SUPT20HL1: variants seen among roughly 807,000 people sequenced by gnomAD.
SUPT20HL1 encodes the protein SUPT20H like 1, also known as transcription factor SPT20 homolog-like 1.
For missense variants in SUPT20HL1, 277 were observed against 200.3 expected (o/e 1.38, Z -2.31); for synonymous variants, 133 against 79.2 (o/e 1.68, Z -3.61).
At position 24,364,296 on chromosome X, in the gene SUPT20HL1, TGCTGCTGCTG is replaced by T. The variant is rs1569203543; in HGVS notation, c.1537_1546del (p.Ala513LeufsTer7). 9.3e-6 allele frequency: 9 copies of T among 971,808 alleles called. No individual in the cohort carries two copies. The African/African-American group carries it at 1.9e-4, about 21-fold the overall frequency. The allele number at this position is 971,808 out of a possible 1,213,427, so 80.1% of individuals were successfully genotyped here. A position where few individuals can be genotyped will look rare whatever the true frequency, so the allele number is the denominator to read the frequency against. ...CTGCTGCTGCTGCTGCTGCTGCTGC[TGCTGCTGCTG>T]CTGCTCCTGCTCCTGCTCTAGCTGC... On this transcript the variant is annotated frameshift_variant, in exon 1 of 1. Coordinates refer to ENST00000686983, the MANE Select transcript of SUPT20HL1 (RefSeq NM_001136234.3). LOFTEE classifies it low-confidence loss of function (END_TRUNC).
At position 24,361,849 on chromosome X, in the gene SUPT20HL1, C is replaced by A. The variant is rs1436212453; in HGVS notation, c.-912C>A. 1.8e-5 allele frequency among the ~76,000 whole-genome samples: 2 copies of A among 112,027 alleles called. No individual in the cohort carries two copies. The highest frequency in any genetic ancestry group is 9.4e-5 in the Admixed American group (1 of 10,592). ...AGGTACTGATGCATCTACATGAACA[C>A]CCCCAGGCGGGAGCTCACTCGACGA... On this transcript the variant is annotated 5_prime_UTR_variant, in exon 1 of 1. Transcript: ENST00000686983.
chrX:24,367,555 G>A lies in SUPT20HL1; in HGVS notation c.*2131G>A, dbSNP rs771320555. 1.8e-5 allele frequency among the ~76,000 whole-genome samples: 2 copies of A among 112,244 alleles called. No homozygotes were observed. Among genetic ancestry groups the A allele is most frequent in the South Asian group, 3.7e-4 (1 of 2,684 alleles). On this transcript the variant is annotated 3_prime_UTR_variant, in exon 1 of 1. Coordinates refer to ENST00000686983, the MANE Select transcript of SUPT20HL1 (RefSeq NM_001136234.3). ...TTCAAGAAAACACATCGAATTTCCT[G>A]AGTGACACCAAGTCCATCAGATCAT...
rs1939489898 is a variant in SUPT20HL1 at position 24,367,143 on chromosome X, C to T, written c.*1719C>T. Among the ~76,000 whole-genome samples the T allele has an allele frequency of 8.9e-6, 1 of 112,407 alleles. No individual in the cohort carries two copies. On this transcript the variant is annotated 3_prime_UTR_variant, in exon 1 of 1. Coordinates refer to ENST00000686983, the MANE Select transcript of SUPT20HL1 (RefSeq NM_001136234.3). ...TTCATCTATGTTGTAAAATGTATTG[C>T]TAATTCATTCCTATCTGTGGTTCAA...
chrX:24,361,717 T>C lies in SUPT20HL1; in HGVS notation c.-1044T>C, dbSNP rs978354421. Among the ~76,000 whole-genome samples the C allele has an allele frequency of 8.9e-6, 1 of 112,165 alleles. No individual in the cohort carries two copies. The highest frequency in any genetic ancestry group is 3.2e-5 in the African/African-American group (1 of 30,843). On this transcript the variant is annotated 5_prime_UTR_variant, in exon 1 of 1. Transcript: ENST00000686983. ...TTCATGTCTCTCTACCATCCTGACCTGCAATCCATAGACAATGTAATGACC... is the reference window on the plus strand; with the variant it reads ...TTCATGTCTCTCTACCATCCTGACCCGCAATCCATAGACAATGTAATGACC...
chrX:24,363,723 T>C lies in SUPT20HL1; in HGVS notation c.963T>C (p.Ala321=), dbSNP rs1362940478. ...AAGGGTATCAGTCCGTCACAGCTGCTGACCCACAGCTCCCAGTCTGGCCAG... is the reference window on the plus strand; with the variant it reads ...AAGGGTATCAGTCCGTCACAGCTGCCGACCCACAGCTCCCAGTCTGGCCAG... ...LAKGYQSVTA[A]DPQLPVWPAQ... Residue 321 remains alanine (A), a synonymous_variant, in exon 1 of 1, where the codon GCT becomes GCC. Transcript: ENST00000686983. 1 of 387,752 alleles carries C rather than the reference T, an allele frequency of 2.6e-6. No homozygotes were observed. The highest frequency in any genetic ancestry group is 2.5e-5 in the Admixed American group (1 of 39,677). 32.0% of individuals were successfully genotyped at this position (387,752 alleles called of 1,213,427 possible).
chrX:24,361,478 A>G lies in SUPT20HL1; in HGVS notation c.-1283A>G, dbSNP rs1355042445. On this transcript the variant is annotated 5_prime_UTR_variant, in exon 1 of 1. Coordinates refer to ENST00000686983, the MANE Select transcript of SUPT20HL1 (RefSeq NM_001136234.3). ...TTGATCTTGTCCAATAAAACAAACA[A>G]AACCAAACAAACTGGGAGATTTCAA... Among the ~76,000 whole-genome samples the G allele has an allele frequency of 8.9e-6, 1 of 112,313 alleles. No homozygotes were observed. Among genetic ancestry groups the G allele is most frequent in the African/African-American group, 3.2e-5 (1 of 30,921 alleles).
rs755967149 is a variant in SUPT20HL1 at position 24,366,144 on chromosome X, C to T, written c.*720C>T. Among the ~76,000 whole-genome samples the T allele has an allele frequency of 1.2e-4, 13 of 111,616 alleles. No individual in the cohort carries two copies. Among genetic ancestry groups the T allele is most frequent in the Non-Finnish European group, 2.3e-4 (12 of 53,139 alleles). The stretch of plus-strand genomic sequence containing the variant: ...TTGGCATAATGTCCTCATGATCTAT[C>T]CCTGCTGTCTCATGTGACATAAAGG... On this transcript the variant is annotated 3_prime_UTR_variant, in exon 1 of 1. Transcript: ENST00000686983.
rs1939465753 is a variant in SUPT20HL1, at chrX:24,364,546, G to A, written c.1786G>A (p.Ala596Thr). The A allele has an allele frequency of 1.8e-6, 1 of 551,921 alleles. No homozygotes were observed. Among genetic ancestry groups the A allele is most frequent in the East Asian group, 3.5e-5 (1 of 28,808 alleles). The allele number at this position is 551,921 out of a possible 1,213,427, so 45.5% of individuals were successfully genotyped here. A position where few individuals can be genotyped will look rare whatever the true frequency, so the allele number is the denominator to read the frequency against. Residue 596 changes from alanine (A) to threonine (T), a missense_variant, in exon 1 of 1, where the codon GCG becomes ACG. Transcript: ENST00000686983. Reference sequence around the variant, plus strand: ...GCCCCCCACCAAATTCATAAAAATAGCGCCAGCCATTCAGTTGAGGACAGG... The same window carrying A: ...GCCCCCCACCAAATTCATAAAAATAACGCCAGCCATTCAGTTGAGGACAGG... ...AQPPTKFIKIAPAIQLRTGST... is the reference protein window; with the variant it reads ...AQPPTKFIKITPAIQLRTGST...
chrX:24,361,144 C>T lies in SUPT20HL1; in HGVS notation c.-1617C>T, dbSNP rs961181263. 1.8e-5 allele frequency among the ~76,000 whole-genome samples: 2 copies of T among 112,560 alleles called. No homozygotes were observed. Among genetic ancestry groups the T allele is most frequent in the Non-Finnish European group, 3.8e-5 (2 of 53,301 alleles). ...GCCGCTTGTGCTCAGGAATACGTCT[C>T]TCATTGTCTGTTTTCCTATCCCTGA... On this transcript the variant is annotated 5_prime_UTR_variant, in exon 1 of 1. Coordinates refer to ENST00000686983, the MANE Select transcript of SUPT20HL1 (RefSeq NM_001136234.3).
chrX:24,363,635 C>T lies in SUPT20HL1; in HGVS notation c.875C>T (p.Thr292Met), dbSNP rs191671746. ...NIAKAGSCVD[T>M]WKGRPCDLAV... ...GCTAAAGCAGGAAGTTGTGTAGACACGTGGAAAGGCAGACCCTGTGATTTG... is the reference window on the plus strand; with the variant it reads ...GCTAAAGCAGGAAGTTGTGTAGACATGTGGAAAGGCAGACCCTGTGATTTG... Residue 292 changes from threonine to methionine, a missense_variant, in exon 1 of 1, where the codon ACG becomes ATG. Physicochemically the swap from Thr to Met is moderately conservative, Grantham distance 81 (BLOSUM62 -1). Coordinates refer to ENST00000686983, the MANE Select transcript of SUPT20HL1 (RefSeq NM_001136234.3). The T allele has an allele frequency of 4.4e-4, 171 of 385,579 alleles. No homozygotes were observed. Among genetic ancestry groups the T allele is most frequent in the African/African-American group, 3.5e-3 (137 of 39,293 alleles). The allele number at this position is 385,579 out of a possible 1,213,427, so 31.8% of individuals were successfully genotyped here.
rs1226629418 is a variant in SUPT20HL1 at position 24,364,466 on chromosome X, C to G, written c.1706C>G (p.Ser569Cys). 1.8e-6 allele frequency: 1 copy of G among 552,976 alleles called. No homozygotes were observed. The highest frequency in any genetic ancestry group is 3.3e-6 in the Non-Finnish European group (1 of 302,945). 45.6% of individuals were successfully genotyped at this position (552,976 alleles called of 1,213,427 possible). Residue 569 changes from serine (S) to cysteine (C), a missense_variant, in exon 1 of 1, where the codon TCT becomes TGT. By Grantham distance (112) the Ser-to-Cys change is moderately radical. Coordinates refer to ENST00000686983, the MANE Select transcript of SUPT20HL1 (RefSeq NM_001136234.3). Reference sequence around the variant, plus strand: ...GCTGCTTCTGCGGCACCAAGTCATTCTCAGAAGCCCTCTGTGCCTCTCATT... The same window carrying G: ...GCTGCTTCTGCGGCACCAAGTCATTGTCAGAAGCCCTCTGTGCCTCTCATT... ...AAAASAAPSH[S>C]QKPSVPLIQA...
In SUPT20HL1 at chrX:24,361,636, T is replaced by G. The variant is rs1273793991; in HGVS notation, c.-1125T>G. The stretch of plus-strand genomic sequence containing the variant: ...TCATTGAAAATTTATTGCCATCACC[T>G]GGAACAATTGTTCTCGTCCTTATCA... On this transcript the variant is annotated 5_prime_UTR_variant, in exon 1 of 1. Transcript: ENST00000686983. Among the ~76,000 whole-genome samples, 1 of 112,110 alleles carries G rather than the reference T, an allele frequency of 8.9e-6. No homozygotes were observed. The highest frequency in any genetic ancestry group is 2.8e-4 in the East Asian group (1 of 3,602).
rs1939428617 is a variant in SUPT20HL1 at position 24,361,844 on chromosome X, G to C, written c.-917G>C. On this transcript the variant is annotated 5_prime_UTR_variant, in exon 1 of 1. The change abolishes an upstream ATG in the 5' untranslated region. Transcript: ENST00000686983. ...ACGTCAGGTACTGATGCATCTACAT[G>C]AACACCCCCAGGCGGGAGCTCACTC... Among the ~76,000 whole-genome samples, 1 of 112,019 alleles carries C rather than the reference G, an allele frequency of 8.9e-6. No homozygotes were observed. The highest frequency in any genetic ancestry group is 3.3e-5 in the African/African-American group (1 of 30,765).
In SUPT20HL1 at chrX:24,362,266, C is replaced by T. The variant is rs1227178323; in HGVS notation, c.-495C>T. On this transcript the variant is annotated 5_prime_UTR_variant, in exon 1 of 1. Transcript: ENST00000686983. ...CCAGGAGGCTAGAGATGCAGGAGCC[C>T]CAGAACCTGCGGTGCAGCGAGTGCA... 8.9e-6 allele frequency among the ~76,000 whole-genome samples: 1 copy of T among 112,767 alleles called. No individual in the cohort carries two copies.
At position 24,362,886 on chromosome X, in the gene SUPT20HL1, C is replaced by T. The variant is rs933842793; in HGVS notation, c.126C>T (p.Asp42=). The T allele has an allele frequency of 5.2e-6, 2 of 381,588 alleles. No homozygotes were observed. The highest frequency in any genetic ancestry group is 2.4e-5 in the South Asian group (1 of 41,443). The allele number at this position is 381,588 out of a possible 1,213,427, so 31.4% of individuals were successfully genotyped here. A position where few individuals can be genotyped will look rare whatever the true frequency, so the allele number is the denominator to read the frequency against. Residue 42 remains aspartate (D), a synonymous_variant, in exon 1 of 1, where the codon GAC becomes GAT. Coordinates refer to ENST00000686983, the MANE Select transcript of SUPT20HL1 (RefSeq NM_001136234.3). ...AAACTCTGCAGGAAAAACTTTATGA[C>T]ATTTATGTTGAAGAATGTGGAAAAG... ...AGKTLQEKLY[D]IYVEECGKEP... is the part of the protein sequence containing the mutation.
chrX:24,362,192 G>C lies in SUPT20HL1; in HGVS notation c.-569G>C, dbSNP rs1939431449. 8.9e-6 allele frequency among the ~76,000 whole-genome samples: 1 copy of C among 112,855 alleles called. No homozygotes were observed. The highest frequency in any genetic ancestry group is 9.3e-5 in the Admixed American group (1 of 10,716). On this transcript the variant is annotated 5_prime_UTR_variant, in exon 1 of 1. Transcript: ENST00000686983. The stretch of plus-strand genomic sequence containing the variant: ...TCAAGGTGAAATGGCAAGTAGTCGA[G>C]TGCAAGTGCGGGCAGCAGACCCGGA...
Position 24,364,452 on chromosome X carries a change from G to A in SUPT20HL1, c.1692G>A (p.Ala564=), listed in dbSNP as rs750710743. The A allele has an allele frequency of 1.4e-5, 8 of 553,679 alleles. No homozygotes were observed. In the East Asian group the frequency reaches 1.7e-4, roughly 12 times the overall value. The allele number at this position is 553,679 out of a possible 1,213,427, so 45.6% of individuals were successfully genotyped here. ...VAAAPAAAAS[A]APSHSQKPSV... The stretch of plus-strand genomic sequence containing the variant: ...CTGCTCCTGCTGCTGCTGCTTCTGC[G>A]GCACCAAGTCATTCTCAGAAGCCCT... The change falls in exon 1 of 1, where the codon GCG becomes GCA. Residue 564 remains alanine (A), a synonymous_variant. Transcript: ENST00000686983.
rs1939493401 is a variant in SUPT20HL1, at chrX:24,367,710, T to C, written c.*2286T>C. On this transcript the variant is annotated 3_prime_UTR_variant, in exon 1 of 1. Transcript: ENST00000686983. The stretch of plus-strand genomic sequence containing the variant: ...CCTGAACTCAGAATATCATCAGATT[T>C]GGTCTACTTCCTTCCTTTGTTGTCT... Among the ~76,000 whole-genome samples, 1 of 112,341 alleles carries C rather than the reference T, an allele frequency of 8.9e-6. No individual in the cohort carries two copies. The highest frequency in any genetic ancestry group is 1.9e-5 in the Non-Finnish European group (1 of 53,259).
rs764325818 is a variant in SUPT20HL1 at position 24,363,310 on chromosome X, G to C, written c.550G>C (p.Asp184His). The C allele has an allele frequency of 1.0e-5, 4 of 387,405 alleles. No homozygotes were observed. Among genetic ancestry groups the C allele is most frequent in the South Asian group, 7.0e-5 (3 of 42,848 alleles). The allele number at this position is 387,405 out of a possible 1,213,427, so 31.9% of individuals were successfully genotyped here. Residue 184 changes from aspartate to histidine, a missense_variant, in exon 1 of 1, where the codon GAT becomes CAT. Transcript: ENST00000686983. ...CCATGATGTGAAGATGATGACAAGAGATGGCCAGAAATGGAGCCAGGAAGA... is the reference window on the plus strand; with the variant it reads ...CCATGATGTGAAGATGATGACAAGACATGGCCAGAAATGGAGCCAGGAAGA... ...LAHDVKMMTR[D>H]GQKWSQEDKL...
Sources: gnomAD v4.1 joint callset for allele counts (sites outside exome capture counted in the v4.1 genomes callset) on GRCh38, gnomAD v4.1.1 for gene constraint, MANE v1.5 for transcripts, NCBI Gene and HGNC (gene_info 2026-07-23, HGNC 2026-07-21) for gene names.